INHBA: variants seen among roughly 807,000 people sequenced by gnomAD.
INHBA encodes inhibin beta A chain.
A neutral mutation model predicts 29.0 loss-of-function variants in INHBA; 1 was observed. The ratio of observed to expected loss-of-function variants is 0.03; its 90% confidence interval spans 0.01 to 0.16. The LOEUF is 0.16. INHBA is among the 10% of genes least tolerant of loss of function. The pLI, the probability that INHBA is intolerant of heterozygous loss-of-function variation, is 1.00. For missense variants in INHBA, 376 were observed against 545.4 expected, an observed-to-expected ratio of 0.69 and a Z score of 3.09; for synonymous variants, 242 against 216.8, an observed-to-expected ratio of 1.12 and a Z score of -1.02.
chr7:41,693,139 A>G (rs1242750903), intron 2 of INHBA, among the ~76,000 whole-genome samples: 3 of 152,256 alleles, frequency 2.0e-5, no homozygotes, highest in African/African-American at 4.8e-5. Context: ...AAAAACAGAC[A>G]GATAGTAGCT....
upstream of INHBA, among the ~76,000 whole-genome samples, chr7:41,703,544 A>G (rs1012010832): frequency 1.3e-5 from 2 of 152,130 alleles, no homozygotes; most frequent in East Asian, 1.9e-4. Flanking sequence ...TTCTAATTTT[A>G]TATTTTTAAA....
At chr7:41,699,840 G>C (rs1794732324) in intron 2 of INHBA, 147 bp downstream of exon 2, 2 of 635,262 alleles carry the variant, frequency 3.1e-6, no homozygotes, top group Non-Finnish European at 2.7e-6. Context: ...CCGTCGGCTA[G>C]TCCGCTACCA....
chr7:41,700,084 C>A lies in INHBA; in HGVS notation c.291G>T (p.Glu97Asp). 1 of 1,614,050 alleles carries A rather than the reference C, an allele frequency of 6.2e-7. No homozygotes were observed. Among genetic ancestry groups the A allele is most frequent in the East Asian group, 2.2e-5 (1 of 44,864 alleles). ...IRKLHVGKVG[E>D]NGYVEIEDDI... Reference sequence around the variant, plus strand: ...CATCCTCTATCTCCACATACCCGTTCTCCCCGACTTTGCCCACATGAAGCT... The same window carrying A: ...CATCCTCTATCTCCACATACCCGTTATCCCCGACTTTGCCCACATGAAGCT... The change falls in exon 2 of 3, where the codon GAG becomes GAT. Residue 97 changes from glutamate (E) to aspartate (D), a missense_variant. Around this residue, in one of 4 missense-constraint regions of INHBA, gnomAD observed 253 missense variants for 313.4 expected, o/e 0.81. Coordinates refer to ENST00000242208, the MANE Select transcript of INHBA (RefSeq NM_002192.4).
chr7:41,692,808 G>A (rs949927006), intron 2 of INHBA, among the ~76,000 whole-genome samples: 7 of 152,210 alleles, frequency 4.6e-5, no homozygotes, highest in Admixed American at 1.3e-4. Context: ...GCTAAGAATT[G>A]GTGTGGGTTT....
At chr7:41,696,710 G>A (rs1047578161) in intron 2 of INHBA, among the ~76,000 whole-genome samples, 3 of 152,152 alleles carry the variant, frequency 2.0e-5, no homozygotes, top group Admixed American at 2.0e-4. Flanking sequence ...GAAAAGTTCG[G>A]AAGGTGGGAT....
chr7:41,697,368 A>T (rs1794672397), intron 2 of INHBA, among the ~76,000 whole-genome samples: 1 of 152,242 alleles, frequency 6.6e-6, no homozygotes, highest in Non-Finnish European at 1.5e-5. Flanking sequence ...AACAACTCGC[A>T]TCAACTTTAC....
At chr7:41,695,444 T>G (rs1794624959) in intron 2 of INHBA, among the ~76,000 whole-genome samples, 1 of 152,230 alleles carries the variant, frequency 6.6e-6, no homozygotes, top group Non-Finnish European at 1.5e-5. Context: ...GCCCTAACTT[T>G]GCATTTGGAC....
At chr7:41,692,209 C>G (rs1315189918) in intron 2 of INHBA, 1 of 152,172 alleles carries the variant, frequency 6.6e-6, no homozygotes, top group Non-Finnish European at 1.5e-5. Context: ...TTTTCCATGA[C>G]CGTGGACCTC....
chr7:41,702,305 T>G (rs183074111), intron 1 of INHBA, among the ~76,000 whole-genome samples: 4 of 152,344 alleles, frequency 2.6e-5, no homozygotes, highest in Admixed American at 2.6e-4. Flanking sequence ...CTGAATTATA[T>G]ATACTGTCCC....
chr7:41,703,656 G>A (rs953995161), upstream of INHBA, among the ~76,000 whole-genome samples: 4 of 152,048 alleles, frequency 2.6e-5, no homozygotes, highest in African/African-American at 9.7e-5. Context: ...TTTACATCTT[G>A]AAATTGAATG....
In INHBA at chr7:41,690,243, A is replaced by T. The variant is rs1489240461; in HGVS notation, c.688T>A (p.Leu230Met). Residue 230 changes from leucine to methionine, a missense_variant, in exon 3 of 3, where the codon TTG becomes ATG. By Grantham distance (15) the Leu-to-Met change is conservative (BLOSUM62 2). Transcript: ENST00000242208. ...AGGGAGCTCTTGCCCTGGTCCAGCA[A>T]CCGCTGGATGCTGCTGGAGACAGGG... Reference protein sequence around the residue: ...VFPVSSSIQRLLDQGKSSLDV... With the variant: ...VFPVSSSIQRMLDQGKSSLDV... 6.2e-7 allele frequency: 1 copy of T among 1,613,982 alleles called. No homozygotes were observed. Among genetic ancestry groups the T allele is most frequent in the Non-Finnish European group, 8.5e-7 (1 of 1,179,984 alleles).
rs921099130 is a variant in INHBA at position 41,689,071 on chromosome 7, G to C, written c.*579C>G. On this transcript the variant is annotated 3_prime_UTR_variant, in exon 3 of 3. Coordinates refer to ENST00000242208, the MANE Select transcript of INHBA (RefSeq NM_002192.4). The stretch of plus-strand genomic sequence containing the variant: ...CCTGCACACGATTGTTCTTTTACCA[G>C]TATGTGTATATATGTAATGTGTGGA... 8.6e-6 allele frequency: 2 copies of C among 232,870 alleles called. No individual in the cohort carries two copies. The highest frequency in any genetic ancestry group is 1.7e-5 in the Non-Finnish European group (2 of 117,994). The allele number at this position is 232,870 out of a possible 1,614,324, so 14.4% of individuals were successfully genotyped here. A position where few individuals can be genotyped will look rare whatever the true frequency, so the allele number is the denominator to read the frequency against.
At chr7:41,698,931 T>C (rs1465909999) in intron 2 of INHBA, among the ~76,000 whole-genome samples, 1 of 152,228 alleles carries the variant, frequency 6.6e-6, no homozygotes, top group Non-Finnish European at 1.5e-5. Context: ...GGCATTCCTT[T>C]CAAATGGAGT....
chr7:41,695,615 T>C (rs973310203), intron 2 of INHBA, among the ~76,000 whole-genome samples: 2 of 152,220 alleles, frequency 1.3e-5, no homozygotes, highest in South Asian at 4.1e-4. Flanking sequence ...GGTCCATTAT[T>C]GATTTATAAA....
At chr7:41,697,898 A>T (rs912864059) in intron 2 of INHBA, among the ~76,000 whole-genome samples, 2 of 152,330 alleles carry the variant, frequency 1.3e-5, no homozygotes, top group Admixed American at 6.5e-5. Context: ...ATTACATTAA[A>T]TCAACTTGAA....
At chr7:41,704,473 C>A (rs531518953), upstream of INHBA, among the ~76,000 whole-genome samples, 1 of 152,090 alleles carries the variant, frequency 6.6e-6, no homozygotes, top group African/African-American at 2.4e-5. Context: ...AACTCAAACC[C>A]TTTATAAGAA....
chr7:41,700,470 T>C lies in INHBA; in HGVS notation c.-96A>G. The C allele has an allele frequency of 1.5e-6, 1 of 645,194 alleles. No homozygotes were observed. Among genetic ancestry groups the C allele is most frequent in the Non-Finnish European group, 2.1e-6 (1 of 479,592 alleles). 40.0% of individuals were successfully genotyped at this position (645,194 alleles called of 1,614,324 possible). On this transcript the variant is annotated 5_prime_UTR_variant, in exon 2 of 3. Coordinates refer to ENST00000242208, the MANE Select transcript of INHBA (RefSeq NM_002192.4). The stretch of plus-strand genomic sequence containing the variant: ...TTTTTTGTGTGTGTGGATTTTTTTA[T>C]TTTTTTTTTTGGTGTTTTTTTTTTC...
chr7:41,695,817 A>G (rs962696138), intron 2 of INHBA, among the ~76,000 whole-genome samples: 1 of 152,182 alleles, frequency 6.6e-6, no homozygotes, highest in African/African-American at 2.4e-5. Context: ...GGACTTAGGA[A>G]CCAGTCGAGT....
chr7:41,704,311 G>T (rs1794862314), upstream of INHBA, among the ~76,000 whole-genome samples: 1 of 151,888 alleles, frequency 6.6e-6, no homozygotes, highest in Admixed American at 6.6e-5. Context: ...TGGGGGTGGG[G>T]GGAAGGAGTA....
Sources: allele counts gnomAD v4.1 joint callset (sites outside exome capture counted in the v4.1 genomes callset), GRCh38; gene constraint gnomAD v4.1.1; regional missense constraint gnomAD v4.1.1; transcripts MANE v1.5; gene names NCBI Gene and HGNC (gene_info 2026-07-23, HGNC 2026-07-21).